Variants in MLST8 observed in about 807,000 individuals in gnomAD.
MLST8 encodes MTOR associated protein MLST8, also known as target of rapamycin complex subunit LST8.
MLST8 carries 20 observed loss-of-function variants against 41.3 expected under a neutral mutation model. The ratio of observed to expected loss-of-function variants is 0.48; its 90% CI spans 0.34 to 0.70. The LOEUF (loss-of-function observed/expected upper bound fraction) is 0.70. Among genes scored for constraint, MLST8 ranks in the 30% least tolerant of loss-of-function variants. MLST8 has a pLI of 0.01. For synonymous variants in MLST8, 243 were observed against 183.0 expected (o/e 1.33, Z -2.65); for missense variants, 422 against 454.3 (o/e 0.93, Z 0.65).
At chr16:2,208,167 C>T (rs765909822) in intron 6 of MLST8, 43 bp from the exon 7 acceptor site, 26 of 1,565,988 alleles carry the variant, frequency 1.7e-5, no homozygotes, top group Admixed American at 3.5e-5. Context: ...GTGTCTCAGA[C>T]CTGAGGCCTT....
chr16:2,206,737 A>C (rs1252619529), intron 4 of MLST8, 78 bp downstream of exon 4: 17 of 1,525,112 alleles, frequency 1.1e-5, no homozygotes, highest in Non-Finnish European at 1.5e-5. Context: ...GGTTCTCTTC[A>C]AGCAGAGGCT....
rs1197170051 is a variant in MLST8 at position 2,208,594 on chromosome 16, C to T, written c.843C>T (p.Asp281=). Residue 281 remains aspartate (D), a synonymous_variant, in exon 8 of 9, where the codon GAC becomes GAT. Transcript: ENST00000569417. ...TGTGGGGCTGCGCCTTCTCGGGGGA[C>T]TCCCAGTACATCGTCACTGGTGAGC... The part of the protein sequence containing the change: ...GWMWGCAFSG[D]SQYIVTASSD... The T allele has an allele frequency of 2.5e-6, 4 of 1,612,526 alleles. No homozygotes were observed. Among genetic ancestry groups the T allele is most frequent in the South Asian group, 2.2e-5 (2 of 91,084 alleles).
rs764057363 is a variant in MLST8, at chr16:2,209,395, G to A, written c.*518G>A. 17 of 1,613,674 alleles carry A rather than the reference G, an allele frequency of 1.1e-5. No individual in the cohort carries two copies. The highest frequency in any genetic ancestry group is 4.0e-5 in the African/African-American group (3 of 74,942). ...GGAGGTAATAAAAGCAGACCGACACGCAGATGTTGCTCGGGAAGCAGATGT... is the reference window on the plus strand; with the variant it reads ...GGAGGTAATAAAAGCAGACCGACACACAGATGTTGCTCGGGAAGCAGATGT... On this transcript the variant is annotated 3_prime_UTR_variant, in exon 9 of 9. Transcript: ENST00000569417.
At chr16:2,205,535 G>A (rs1240857568) in intron 1 of MLST8, 23 bp downstream of exon 1, 1 of 325,094 alleles carries the variant, frequency 3.1e-6, no homozygotes, top group Non-Finnish European at 4.4e-6. Flanking sequence ...CGAGCCAGGG[G>A]CCGGGAACCG....
Position 2,209,431 on chromosome 16 carries a change from A to C in MLST8, c.*554A>C, listed in dbSNP as rs1056365976. 1 of 1,613,770 alleles carries C rather than the reference A, an allele frequency of 6.2e-7. No individual in the cohort carries two copies. The stretch of plus-strand genomic sequence containing the variant: ...TCGGGAAGCAGATGTCGATGCAGAG[A>C]TAAATCAGCCGCTGTCTCCGGGGCC... On this transcript the variant is annotated 3_prime_UTR_variant, in exon 9 of 9. Coordinates refer to ENST00000569417, the MANE Select transcript of MLST8 (RefSeq NM_022372.6).
At chr16:2,206,735 T>C (rs2093298166) in intron 4 of MLST8, 76 bp downstream of exon 4, 1 of 1,532,846 alleles carries the variant, frequency 6.5e-7, no homozygotes, top group Admixed American at 1.7e-5. Flanking sequence ...TGGGTTCTCT[T>C]CAAGCAGAGG....
In MLST8 at chr16:2,209,314, G is replaced by A. The variant is rs745348677; in HGVS notation, c.*437G>A. 9 of 1,553,904 alleles carry A rather than the reference G, an allele frequency of 5.8e-6. No homozygotes were observed. In the East Asian group the frequency reaches 1.8e-4, roughly 31 times the overall value. On this transcript the variant is annotated 3_prime_UTR_variant, in exon 9 of 9. Coordinates refer to ENST00000569417, the MANE Select transcript of MLST8 (RefSeq NM_022372.6). Reference sequence around the variant, plus strand: ...TGTCCTCCCTGGTGCAGGTGGCCTGGCCAGCCCACTGGATTGGGGACGGGC... The same window carrying A: ...TGTCCTCCCTGGTGCAGGTGGCCTGACCAGCCCACTGGATTGGGGACGGGC...
intron 1 of MLST8, 146 bp downstream of exon 1, chr16:2,205,658 C>G: frequency 1.0e-6 from 1 of 986,918 alleles, no homozygotes; most frequent in Non-Finnish European, 1.2e-6. Context: ...GCGCCCTTTC[C>G]CATCAGGGCC....
rs2093261780 is a variant in MLST8 at position 2,205,502 on chromosome 16, C to G, written c.-66C>G. The stretch of plus-strand genomic sequence containing the variant: ...GTCCTGGACACGGCGGAGTGCGGAG[C>G]CGCCCGTAAGGTACGGAGGCCGCGA... On this transcript the variant is annotated 5_prime_UTR_variant, in exon 1 of 9. Transcript: ENST00000569417. 3 of 176,770 alleles carry G rather than the reference C, an allele frequency of 1.7e-5. No individual in the cohort carries two copies. The highest frequency in any genetic ancestry group is 3.3e-5 in the Non-Finnish European group (3 of 90,494). 11.0% of individuals were successfully genotyped at this position (176,770 alleles called of 1,614,324 possible).
In MLST8 at chr16:2,209,043, C is replaced by G; in HGVS notation, c.*166C>G. The G allele has an allele frequency of 1.3e-6, 1 of 745,610 alleles. No homozygotes were observed. Among genetic ancestry groups the G allele is most frequent in the Admixed American group, 2.4e-5 (1 of 42,544 alleles). The allele number at this position is 745,610 out of a possible 1,614,324, so 46.2% of individuals were successfully genotyped here. A position where few individuals can be genotyped will look rare whatever the true frequency, so the allele number is the denominator to read the frequency against. ...CCAGGCTGCCCTGGGACTCTCAGCC[C>G]CCAGTTGCTTATCCAGATGTGACAG... On this transcript the variant is annotated 3_prime_UTR_variant, in exon 9 of 9. Transcript: ENST00000569417.
At chr16:2,206,876 G>T (rs2093301895) in intron 4 of MLST8, 159 bp from the exon 5 acceptor site, 1 of 1,125,358 alleles carries the variant, frequency 8.9e-7, no homozygotes, top group Non-Finnish European at 1.3e-6. Flanking sequence ...CCAGCCACTG[G>T]CTTAGGCTCC....
intron 8 of MLST8, 38 bp downstream of exon 8, chr16:2,208,651 G>A (rs748407162): frequency 1.1e-5 from 18 of 1,611,736 alleles, no homozygotes; most frequent in South Asian, 4.4e-5. Flanking sequence ...CCTGGCCCCC[G>A]GCGCTGGCCT....
Position 2,206,387 on chromosome 16 carries a change from C to T in MLST8, c.159C>T (p.Asp53=), listed in dbSNP as rs768505491. 5 of 1,614,060 alleles carry T rather than the reference C, an allele frequency of 3.1e-6. No individual in the cohort carries two copies. The highest frequency in any genetic ancestry group is 2.2e-5 in the South Asian group (2 of 91,088). ...SQVNALEVTP[D]RSMIAAAGYQ... ...TGAATGCCTTGGAGGTCACACCGGACCGCAGCATGATTGCTGCTGCAGGTA... is the reference window on the plus strand; with the variant it reads ...TGAATGCCTTGGAGGTCACACCGGATCGCAGCATGATTGCTGCTGCAGGTA... Residue 53 remains aspartate, a synonymous_variant, in exon 3 of 9, where the codon GAC becomes GAT. Coordinates refer to ENST00000569417, the MANE Select transcript of MLST8 (RefSeq NM_022372.6).
intron 1 of MLST8, 118 bp downstream of exon 1, chr16:2,205,630 C>T: frequency 3.1e-6 from 3 of 964,892 alleles, no homozygotes; most frequent in Non-Finnish European, 3.7e-6. Flanking sequence ...AAGGGGAGCT[C>T]GGGGGTCCAG....
chr16:2,209,137 A>G lies in MLST8; in HGVS notation c.*260A>G. The stretch of plus-strand genomic sequence containing the variant: ...CTGCACTGCCTGGGAAAGTCGGCCG[A>G]GGGCCCAAAGCTGCTGAGGGGTCTG... On this transcript the variant is annotated 3_prime_UTR_variant, in exon 9 of 9. Coordinates refer to ENST00000569417, the MANE Select transcript of MLST8 (RefSeq NM_022372.6). The G allele has an allele frequency of 1.6e-6, 1 of 639,648 alleles. No individual in the cohort carries two copies. The allele number at this position is 639,648 out of a possible 1,614,324, so 39.6% of individuals were successfully genotyped here.
chr16:2,205,828 T>G, intron 1 of MLST8: 2 of 1,178,752 alleles, frequency 1.7e-6, no homozygotes, highest in Non-Finnish European at 2.1e-6. Flanking sequence ...GCCCCCGCCG[T>G]GTGCGTGGGG....
At chr16:2,207,934 C>G in intron 6 of MLST8, 1 of 374,060 alleles carries the variant, frequency 2.7e-6, no homozygotes, top group Non-Finnish European at 4.8e-6. Flanking sequence ...TGGTGCCCTT[C>G]TCCTGTCTAC....
chr16:2,206,824 G>C (rs1486092459), intron 4 of MLST8, 165 bp downstream of exon 4: 1 of 1,020,776 alleles, frequency 9.8e-7, no homozygotes, highest in East Asian at 2.6e-5. Flanking sequence ...CAGAGCGCGA[G>C]TCCTGCCTTG....
chr16:2,208,108 C>T, intron 6 of MLST8, 102 bp from the exon 7 acceptor site: 6 of 1,405,978 alleles, frequency 4.3e-6, no homozygotes, highest in Non-Finnish European at 5.7e-6. Context: ...CACCCGGGGT[C>T]CCCATGCACA....
Sources: gnomAD v4.1 joint callset for allele counts on GRCh38, gnomAD v4.1.1 for gene constraint, MANE v1.5 for transcripts, NCBI Gene and HGNC (gene_info 2026-07-23, HGNC 2026-07-21) for gene names.